Variants in PRKN observed in about 807,000 individuals in gnomAD.
The protein encoded by PRKN is E3 ubiquitin-protein ligase parkin.
PRKN carries 56 observed loss-of-function variants against 59.5 expected under a neutral mutation model. The ratio of observed to expected loss-of-function variants is 0.94; its 90% confidence interval spans 0.76 to 1.18. The LOEUF (loss-of-function observed/expected upper bound fraction) is 1.18, where lower values mean the gene tolerates loss of function less well. Ranked by LOEUF, PRKN falls within the 50% of genes most tolerant of loss-of-function variation. The pLI is 0.00. For synonymous variants in PRKN, 250 were observed against 222.1 expected, an observed-to-expected ratio of 1.13 and a Z score of -1.12; for missense variants, 657 against 596.4, an observed-to-expected ratio of 1.10 and a Z score of -1.06.
At chr6:162,707,739 T>A (rs1778388476) in intron 1 of PRKN, among the ~76,000 whole-genome samples, 3 of 152,190 alleles carry the variant, frequency 2.0e-5, no homozygotes, top group Admixed American at 2.0e-4. Context: ...CACGCCTGGC[T>A]AATTTTTATA....
chr6:162,152,555 C>T (rs558633999), intron 4 of PRKN, among the ~76,000 whole-genome samples: 1 of 152,168 alleles, frequency 6.6e-6, no homozygotes, highest in Non-Finnish European at 1.5e-5. Flanking sequence ...CACATGCATA[C>T]TGCAGGAACA....
intron 5 of PRKN, among the ~76,000 whole-genome samples, chr6:162,025,283 G>T (rs1783387694): frequency 2.0e-5 from 3 of 151,946 alleles, no homozygotes; most frequent in South Asian, 4.1e-4. Flanking sequence ...GATTACAGGC[G>T]TGAGCCACCG....
At chr6:161,863,328 A>ATT (rs1793983544) in intron 6 of PRKN, among the ~76,000 whole-genome samples, 5 of 151,844 alleles carry the variant, frequency 3.3e-5, no homozygotes, top group African/African-American at 1.2e-4. Flanking sequence ...GATTTATTAA[A>ATT]AAAAAAAAGG....
At position 162,707,666 on chromosome 6, in the gene PRKN, C is replaced by A. The variant is rs576561329; in HGVS notation, c.7+19996G>T. On this transcript the variant is annotated intron_variant, in intron 1 of 11. Transcript: ENST00000366898. ...CTCAGTTCACTGCAACCTCCAACTC[C>A]CGGGTTCAAGTGATTCTCACGCCTC... Among the ~76,000 whole-genome samples the A allele has an allele frequency of 5.3e-5, 8 of 152,126 alleles. No individual in the cohort carries two copies. The South Asian group carries it at 1.7e-3, about 32-fold the overall frequency.
intron 2 of PRKN, among the ~76,000 whole-genome samples, chr6:162,341,162 A>G (rs1391818822): frequency 1.3e-5 from 2 of 152,190 alleles, no homozygotes; most frequent in Non-Finnish European, 2.9e-5. Context: ...AAAAAAGCTC[A>G]TCATCACTGG....
rs1362522801 is a variant in PRKN, at chr6:161,794,111, AT to A, written c.735-8204del. On this transcript the variant is annotated intron_variant, in intron 6 of 11. Coordinates refer to ENST00000366898, the MANE Select transcript of PRKN (RefSeq NM_004562.3). ...TGGCATTGGCTTGTGTCTACCTGGA[AT>A]TTTTTTATTTAAAAGTTCCCTATCA... 4.6e-5 allele frequency among the ~76,000 whole-genome samples: 7 copies of A among 151,990 alleles called. No homozygotes were observed. In the East Asian group the frequency reaches 1.4e-3, roughly 29 times the overall value.
intron 5 of PRKN, among the ~76,000 whole-genome samples, chr6:161,986,164 A>G (rs1369689302): frequency 1.3e-5 from 2 of 152,210 alleles, no homozygotes; most frequent in African/African-American, 2.4e-5. Context: ...AAATCTCTGC[A>G]TAAACTGCCC....
chr6:162,345,693 T>G (rs1195060944), intron 2 of PRKN, among the ~76,000 whole-genome samples: 1 of 152,228 alleles, frequency 6.6e-6, no homozygotes, highest in African/African-American at 2.4e-5. Flanking sequence ...GATTTCAGTA[T>G]GCTGAATTTT....
chr6:161,352,785 T>C lies in PRKN; in HGVS notation c.1286-2574A>G, dbSNP rs912615881. Among the ~76,000 whole-genome samples, 1 of 145,214 alleles carries C rather than the reference T, an allele frequency of 6.9e-6. No individual in the cohort carries two copies. Among genetic ancestry groups the C allele is most frequent in the African/African-American group, 2.7e-5 (1 of 37,328 alleles). On this transcript the variant is annotated intron_variant, in intron 11 of 11. Coordinates refer to ENST00000366898, the MANE Select transcript of PRKN (RefSeq NM_004562.3). This position sits in a 1 kb window ranked among gnomAD's most constrained non-coding sequence, Gnocchi z 5.8. ...TATATATATATATTTTATTTTATTT[T>C]ATTTTATTTTTTTGAGATGGAGTCT...
chr6:161,632,977 A>G (rs1268752006), intron 7 of PRKN, among the ~76,000 whole-genome samples: 1 of 152,224 alleles, frequency 6.6e-6, no homozygotes, highest in Non-Finnish European at 1.5e-5. Context: ...CAGTCAAACC[A>G]TATCAGAAGC....
chr6:162,213,070 T>C (rs985186638), intron 3 of PRKN, among the ~76,000 whole-genome samples: 4 of 152,172 alleles, frequency 2.6e-5, no homozygotes, highest in African/African-American at 7.2e-5. Context: ...AATGAAGATA[T>C]AAATTGATAA....
intron 6 of PRKN, among the ~76,000 whole-genome samples, chr6:161,949,037 G>A (rs1326161157): frequency 1.3e-5 from 2 of 152,200 alleles, no homozygotes; most frequent in Non-Finnish European, 2.9e-5. Context: ...CTGCAGGGCT[G>A]CAGGGAAGCC....
intron 1 of PRKN, among the ~76,000 whole-genome samples, chr6:162,714,120 G>A (rs1211361168): frequency 6.6e-6 from 1 of 152,178 alleles, no homozygotes; most frequent in African/African-American, 2.4e-5. Flanking sequence ...CATCCTCATG[G>A]GTAAGTGAGG....
intron 3 of PRKN, among the ~76,000 whole-genome samples, chr6:162,258,062 T>C (rs1779727632): frequency 6.6e-6 from 1 of 152,184 alleles, no homozygotes; most frequent in African/African-American, 2.4e-5. Context: ...TGCTGTCGCC[T>C]CTGCCATTTG....
rs529122301 is a variant in PRKN, at chr6:162,320,121, T to C, written c.172-57356A>G. 1.6e-4 allele frequency among the ~76,000 whole-genome samples: 24 copies of C among 151,954 alleles called. 1 individual carries two copies. In the South Asian group the frequency reaches 3.7e-3, roughly 24 times the overall value. The stretch of plus-strand genomic sequence containing the variant: ...AGATAATGGCCTCCCGTTCCATTCA[T>C]GTTGCTGCAAAGTACATGATTCCAT... On this transcript the variant is annotated intron_variant, in intron 2 of 11. Coordinates refer to ENST00000366898, the MANE Select transcript of PRKN (RefSeq NM_004562.3).
chr6:162,509,276 T>C (rs1396739390), intron 1 of PRKN, among the ~76,000 whole-genome samples: 1 of 152,204 alleles, frequency 6.6e-6, no homozygotes, highest in Admixed American at 6.5e-5. Context: ...CAACCTGGTA[T>C]CCATTAGGGA....
intron 1 of PRKN, among the ~76,000 whole-genome samples, chr6:162,688,135 A>C (rs1041041770): frequency 1.3e-5 from 2 of 152,224 alleles, no homozygotes; most frequent in Non-Finnish European, 2.9e-5. Flanking sequence ...TCTCAATTAC[A>C]AATGGTACTG....
At chr6:162,147,563 C>A (rs111779686) in intron 4 of PRKN, among the ~76,000 whole-genome samples, 1 of 152,072 alleles carries the variant, frequency 6.6e-6, no homozygotes, top group South Asian at 2.1e-4. Flanking sequence ...TTCTTCTCAG[C>A]ATTCTGGACA....
chr6:162,409,802 T>C (rs1021924666), intron 2 of PRKN, among the ~76,000 whole-genome samples: 2 of 152,206 alleles, frequency 1.3e-5, no homozygotes, highest in African/African-American at 2.4e-5. Context: ...TCAGAGAAGA[T>C]AATTCAAAGA....
Sources: allele counts gnomAD v4.1 joint callset (sites outside exome capture counted in the v4.1 genomes callset), GRCh38; gene constraint gnomAD v4.1.1; non-coding constraint Gnocchi (gnomAD v3.1); transcripts MANE v1.5; gene names NCBI Gene and HGNC (gene_info 2026-07-23, HGNC 2026-07-21).